EIPR1: variants seen among roughly 807,000 people sequenced by gnomAD.
EIPR1 encodes EARP and GARP complex-interacting protein 1.
In EIPR1, 25 loss-of-function variants were observed where a neutral mutation model predicts 48.1. That is an observed-to-expected ratio of 0.52 (90% CI 0.38 to 0.73). EIPR1 has a LOEUF of 0.73. Ranked by LOEUF, EIPR1 falls within the 30% of genes least tolerant of loss-of-function variation. The pLI is 0.00. For synonymous variants in EIPR1, 204 were observed against 201.9 expected (o/e 1.01, Z -0.09); for missense variants, 415 against 506.2 (o/e 0.82, Z 1.73).
intron 2 of EIPR1, among the ~76,000 whole-genome samples, chr2:3,345,623 T>TG (rs1670376059): frequency 6.7e-6 from 1 of 150,022 alleles, no homozygotes; most frequent in Non-Finnish European, 1.5e-5. Flanking sequence ...AGACTCTGTC[T>TG]GGAAAAAAAA....
At chr2:3,220,379 T>A (rs1373466104) in intron 4 of EIPR1, among the ~76,000 whole-genome samples, 1 of 149,908 alleles carries the variant, frequency 6.7e-6, no homozygotes, top group Non-Finnish European at 1.5e-5. Context: ...TAGAGTCAAG[T>A]GCACGTGCAC....
At chr2:3,341,095 CAAAAA>C (rs55667121) in intron 2 of EIPR1, among the ~76,000 whole-genome samples, 1,275 of 22,022 alleles carry the variant, frequency 0.058, 13 homozygotes, top group African/African-American at 0.16. Flanking sequence ...GATCCTGTCT[CAAAAA>C]AAAAAAAAAA....
chr2:3,226,736 A>T (rs540235780), intron 4 of EIPR1, among the ~76,000 whole-genome samples: 4 of 152,322 alleles, frequency 2.6e-5, no homozygotes, highest in African/African-American at 9.6e-5. Context: ...ATCTCATGTC[A>T]AATTGTAATT....
At chr2:3,239,517 G>C (rs1666524698) in intron 4 of EIPR1, among the ~76,000 whole-genome samples, 1 of 152,184 alleles carries the variant, frequency 6.6e-6, no homozygotes, top group Non-Finnish European at 1.5e-5. Context: ...CTTCTGATTT[G>C]GCCATCGTGC....
chr2:3,337,931 T>C, intron 3 of EIPR1, 86 bp downstream of exon 3: 1 of 1,430,864 alleles, frequency 7.0e-7, no homozygotes, highest in Admixed American at 2.5e-5. Context: ...CAGTCATGTG[T>C]CGACCCATTA....
chr2:3,223,768 A>C (rs10165156), intron 4 of EIPR1, among the ~76,000 whole-genome samples: 139,065 of 152,072 alleles, frequency 0.91, 64,070 homozygotes, highest in East Asian at 0.98. Context: ...TCCTCCCAAA[A>C]CTGCTCACTC....
At chr2:3,374,198 C>T (rs963331150) in intron 1 of EIPR1, among the ~76,000 whole-genome samples, 2,615 of 151,790 alleles carry the variant, frequency 0.017, 39 homozygotes, top group Middle Eastern at 0.027. Flanking sequence ...GAAACTGGAT[C>T]CCTTCCTTAC....
chr2:3,338,126 A>G lies in EIPR1; in HGVS notation c.150T>C (p.Asp50=). 6.2e-7 allele frequency: 1 copy of G among 1,610,704 alleles called. No individual in the cohort carries two copies. Among genetic ancestry groups the G allele is most frequent in the Non-Finnish European group, 8.5e-7 (1 of 1,179,394 alleles). ...DNQIHIIDFD[D]ENNIINKNVL... The stretch of plus-strand genomic sequence containing the variant: ...CATTTTTATTTATAATGTTGTTTTC[A>G]TCGTCAAAATCTATGATATGGATCT... The change falls in exon 3 of 9, where the codon GAT becomes GAC. Residue 50 remains aspartate (D), a synonymous_variant. Coordinates refer to ENST00000382125, the MANE Select transcript of EIPR1 (RefSeq NM_003310.5).
intron 4 of EIPR1, among the ~76,000 whole-genome samples, chr2:3,225,752 C>T (rs1049809506): frequency 2.0e-5 from 3 of 152,182 alleles, no homozygotes; most frequent in Non-Finnish European, 4.4e-5. Context: ...ATGTATTCAT[C>T]TTATAAGCTG....
At chr2:3,325,044 TTC>T (rs143666955) in intron 3 of EIPR1, among the ~76,000 whole-genome samples, 21 of 152,144 alleles carry the variant, frequency 1.4e-4, no homozygotes, top group Non-Finnish European at 2.6e-4. Flanking sequence ...GCCTGATCAG[TTC>T]TGTCTTTTAT....
intron 2 of EIPR1, among the ~76,000 whole-genome samples, chr2:3,343,964 C>T (rs182737944): frequency 1.2e-4 from 18 of 152,244 alleles, no homozygotes; most frequent in East Asian, 3.9e-4. Context: ...CACTTTGCAG[C>T]GCTGAGGCAG....
intron 1 of EIPR1, among the ~76,000 whole-genome samples, chr2:3,371,227 T>C (rs1482171457): frequency 6.6e-6 from 1 of 151,974 alleles, no homozygotes. Flanking sequence ...CTAAAAGAGC[T>C]CCTGAAGGAA....
intron 2 of EIPR1, among the ~76,000 whole-genome samples, chr2:3,340,357 A>G (rs1054963383): frequency 1.3e-5 from 2 of 152,236 alleles, no homozygotes; most frequent in African/African-American, 2.4e-5. Flanking sequence ...TGCCCGAGGC[A>G]GAGCAGGAGC....
chr2:3,192,496 C>A lies in EIPR1; in HGVS notation c.907G>T (p.Val303Leu), dbSNP rs1664641318. 1.2e-6 allele frequency: 2 copies of A among 1,612,842 alleles called. No individual in the cohort carries two copies. The highest frequency in any genetic ancestry group is 2.2e-5 in the East Asian group (1 of 44,858). ...CCGAAGGGCTCCGACGAGATGGACA[C>A]CATGTTGGAAAGGATGACTCTGCTG... ...SDSRVILSNM[V>L]SISSEPFGHL... Residue 303 changes from valine to leucine, a missense_variant, in exon 8 of 9, where the codon GTG becomes TTG. Transcript: ENST00000382125.
At chr2:3,353,687 A>G (rs1224528398) in intron 2 of EIPR1, among the ~76,000 whole-genome samples, 1 of 152,250 alleles carries the variant, frequency 6.6e-6, no homozygotes, top group African/African-American at 2.4e-5. Flanking sequence ...CAGATTAAGT[A>G]TATAAACATT....
intron 1 of EIPR1, among the ~76,000 whole-genome samples, chr2:3,375,111 T>A (rs1457541561): frequency 6.6e-6 from 1 of 151,572 alleles, no homozygotes; most frequent in African/African-American, 2.4e-5. Context: ...ATCATCATTC[T>A]CAGTAAACTG....
intron 5 of EIPR1, among the ~76,000 whole-genome samples, chr2:3,211,362 C>T (rs1380000156): frequency 2.0e-5 from 3 of 152,098 alleles, no homozygotes; most frequent in African/African-American, 7.2e-5. Flanking sequence ...CAAGGTGCGC[C>T]GGCAAGGAGC....
intron 3 of EIPR1, among the ~76,000 whole-genome samples, chr2:3,336,931 G>A (rs1483811315): frequency 1.9e-5 from 2 of 102,610 alleles, no homozygotes; most frequent in Non-Finnish European, 1.9e-5. Flanking sequence ...GGGAAGGGAA[G>A]GGAAAAGGGA....
At position 3,287,775 on chromosome 2, in the gene EIPR1, T is replaced by C. The variant is rs71444243; in HGVS notation, c.260-30320A>G. Among the ~76,000 whole-genome samples, 500 of 66,224 alleles carry C rather than the reference T, an allele frequency of 7.6e-3. 2 individuals carry two copies. Among genetic ancestry groups the C allele is most frequent in the African/African-American group, 0.024 (399 of 16,798 alleles). The allele number at this position is 66,224 out of a possible 152,430, so 43.4% of individuals were successfully genotyped here. A position where few individuals can be genotyped will look rare whatever the true frequency, so the allele number is the denominator to read the frequency against. On this transcript the variant is annotated intron_variant, in intron 3 of 8. Transcript: ENST00000382125. ...ACTATGCTCCAGAAAGCTCATTCAC[T>C]ATGCTCCAGAAAGCTCATTCACCAT...
Sources: allele counts gnomAD v4.1 joint callset (sites outside exome capture counted in the v4.1 genomes callset), GRCh38; gene constraint gnomAD v4.1.1; transcripts MANE v1.5; gene names NCBI Gene and HGNC (gene_info 2026-07-23, HGNC 2026-07-21).